The following MAPK10 variants were observed in gnomAD, a reference collection of about 807,000 sequenced individuals.
MAPK10 encodes JNK3 alpha protein kinase.
In MAPK10, 25 loss-of-function variants were observed where a neutral mutation model predicts 59.3. The observed-to-expected ratio is 0.42, with a 90% CI of 0.31 to 0.59. The LOEUF is 0.59. Among genes scored for constraint, MAPK10 ranks in the 20% least tolerant of loss-of-function variants. The pLI, the probability that MAPK10 is intolerant of heterozygous loss-of-function variation, is 0.15. For synonymous variants in MAPK10, 190 were observed against 200.5 expected (o/e 0.95, Z 0.44); for missense variants, 351 against 568.9 (o/e 0.62, Z 3.90).
intron 1 of MAPK10, among the ~76,000 whole-genome samples, chr4:86,378,388 C>A (rs1207889491): frequency 6.6e-6 from 1 of 152,212 alleles, no homozygotes; most frequent in Non-Finnish European, 1.5e-5. Flanking sequence ...TCGGAACTCA[C>A]TGAACTCTGG....
chr4:86,327,600 C>T (rs1345333988), intron 2 of MAPK10: 2 of 151,254 alleles, frequency 1.3e-5, no homozygotes, highest in Non-Finnish European at 2.9e-5. Flanking sequence ...TTTCAATATC[C>T]TACATAATGC....
intron 1 of MAPK10, among the ~76,000 whole-genome samples, chr4:86,433,548 CCTT>C (rs1269291409): frequency 2.0e-5 from 3 of 148,380 alleles, no homozygotes; most frequent in East Asian, 2.0e-4. Flanking sequence ...ACAGTCTGGG[CCTT>C]CTTCTTTTTT....
chr4:86,189,143 G>A (rs2079037099), intron 3 of MAPK10, among the ~76,000 whole-genome samples: 1 of 152,120 alleles, frequency 6.6e-6, no homozygotes, highest in Non-Finnish European at 1.5e-5. Context: ...TTTGGTTACT[G>A]TAGCCTTGTA....
chr4:86,083,362 C>G (rs2051074115), intron 9 of MAPK10, among the ~76,000 whole-genome samples: 1 of 152,128 alleles, frequency 6.6e-6, no homozygotes, highest in African/African-American at 2.4e-5. Flanking sequence ...CCTCCAGCAA[C>G]AATTCCGTGT....
Position 86,017,147 on chromosome 4 carries a change from G to T in MAPK10, c.*81C>A. 1 of 1,346,336 alleles carries T rather than the reference G, an allele frequency of 7.4e-7. No homozygotes were observed. 83.4% of individuals were successfully genotyped at this position (1,346,336 alleles called of 1,614,324 possible). On this transcript the variant is annotated 3_prime_UTR_variant, in exon 14 of 14. Coordinates refer to ENST00000641462, the MANE Select transcript of MAPK10 (RefSeq NM_138982.4). This position sits in a 1 kb window ranked among gnomAD's most constrained non-coding sequence, Gnocchi z 4.4. ...CTTGATGTTGTGTGTCTGCATTTGT[G>T]TGTGTGTGTGTGTCTGCGTGTGTGT...
chr4:86,436,118 T>C (rs2149044348), intron 1 of MAPK10, among the ~76,000 whole-genome samples: 1 of 152,286 alleles, frequency 6.6e-6, no homozygotes, highest in Non-Finnish European at 1.5e-5. Context: ...AGCAGGGAAC[T>C]TGGAGAGTTC....
intron 1 of MAPK10, among the ~76,000 whole-genome samples, chr4:86,507,647 T>G (rs1193983105): frequency 4.5e-5 from 4 of 89,870 alleles, no homozygotes; most frequent in African/African-American, 9.0e-5. Flanking sequence ...TATATATATA[T>G]ATATATATAT....
intron 1 of MAPK10, among the ~76,000 whole-genome samples, chr4:86,419,258 T>A (rs1430390926): frequency 6.6e-6 from 1 of 152,206 alleles, no homozygotes; most frequent in African/African-American, 2.4e-5. Flanking sequence ...TATCTCTACG[T>A]GTTTTTATCA....
At chr4:86,050,678 G>T (rs1181775834) in intron 11 of MAPK10, among the ~76,000 whole-genome samples, 3 of 152,122 alleles carry the variant, frequency 2.0e-5, no homozygotes, top group Non-Finnish European at 4.4e-5. Flanking sequence ...CATTACTTAA[G>T]AAAACCTACC....
intron 11 of MAPK10, among the ~76,000 whole-genome samples, chr4:86,062,478 G>A (rs1270905557): frequency 6.6e-6 from 1 of 152,006 alleles, no homozygotes. Context: ...TAGATTCCAA[G>A]CAACTATCTC....
At chr4:86,180,680 G>T (rs952793073) in intron 3 of MAPK10, among the ~76,000 whole-genome samples, 1 of 151,916 alleles carries the variant, frequency 6.6e-6, no homozygotes, top group African/African-American at 2.4e-5. Context: ...AAAGAGAAAT[G>T]AAATCCTGTC....
intron 1 of MAPK10, among the ~76,000 whole-genome samples, chr4:86,562,708 TA>T (rs921931784): frequency 4.7e-5 from 7 of 150,096 alleles, no homozygotes; most frequent in African/African-American, 1.7e-4. Context: ...AAAATAAAAA[TA>T]AAAAAAAACA....
intron 1 of MAPK10, among the ~76,000 whole-genome samples, chr4:86,569,756 A>G (rs1761323187): frequency 2.6e-5 from 4 of 152,152 alleles, no homozygotes; most frequent in Non-Finnish European, 1.5e-5. Flanking sequence ...CAGTGGGTAC[A>G]CGTGGACATT....
At chr4:86,088,666 T>C (rs1364654605) in intron 9 of MAPK10, among the ~76,000 whole-genome samples, 1 of 152,154 alleles carries the variant, frequency 6.6e-6, no homozygotes, top group Non-Finnish European at 1.5e-5. Flanking sequence ...TTCCCATAAA[T>C]GGAGTGAATA....
In MAPK10 at chr4:86,275,281, G is replaced by A. The variant is rs372977866; in HGVS notation, c.-7+79249C>T. On this transcript the variant is annotated intron_variant, in intron 2 of 13. Transcript: ENST00000641462. ...GAAATAAGATTGTAGCTAATGTTGTGTAAAATGCAAGGTCACTAGATGTTT... is the reference window on the plus strand; with the variant it reads ...GAAATAAGATTGTAGCTAATGTTGTATAAAATGCAAGGTCACTAGATGTTT... Among the ~76,000 whole-genome samples, 32 of 152,126 alleles carry A rather than the reference G, an allele frequency of 2.1e-4. No homozygotes were observed. In the South Asian group the frequency reaches 6.4e-3, roughly 31 times the overall value.
In MAPK10 at chr4:86,053,680, A is replaced by T. The variant is rs550615497; in HGVS notation, c.1110+10586T>A. Among the ~76,000 whole-genome samples the T allele has an allele frequency of 1.1e-4, 16 of 152,232 alleles. 1 individual carries two copies. In the South Asian group the frequency reaches 1.9e-3, roughly 18 times the overall value. ...GGAATCCTAAAAAAGAAAAATATAT[A>T]TTTTTTTCTCCCACAGTTTATGGAT... On this transcript the variant is annotated intron_variant, in intron 11 of 13. Coordinates refer to ENST00000641462, the MANE Select transcript of MAPK10 (RefSeq NM_138982.4).
At chr4:86,100,840 T>G (rs1031361168) in intron 8 of MAPK10, 2 of 479,848 alleles carry the variant, frequency 4.2e-6, no homozygotes, top group Non-Finnish European at 7.5e-6. Context: ...TAACATTTAG[T>G]GCTCTTCTAG....
At chr4:86,549,142 C>T (rs1759552482) in intron 1 of MAPK10, among the ~76,000 whole-genome samples, 1 of 151,962 alleles carries the variant, frequency 6.6e-6, no homozygotes, top group African/African-American at 2.4e-5. Flanking sequence ...AAAATAAAAA[C>T]TGTAATTTTA....
intron 2 of MAPK10, among the ~76,000 whole-genome samples, chr4:86,208,739 G>T (rs374405972): frequency 0.083 from 12,624 of 151,600 alleles, 1,172 homozygotes; most frequent in African/African-American, 0.23. Flanking sequence ...GTTCTGGCCA[G>T]GGCAATTAGG....
Sources: allele counts gnomAD v4.1 joint callset (sites outside exome capture counted in the v4.1 genomes callset), GRCh38; gene constraint gnomAD v4.1.1; non-coding constraint Gnocchi (gnomAD v3.1); transcripts MANE v1.5; gene names NCBI Gene and HGNC (gene_info 2026-07-23, HGNC 2026-07-21).